Variants in GAN observed in about 807,000 individuals in gnomAD.
GAN encodes the protein epididymis secretory sperm binding protein.
GAN carries 48 observed loss-of-function variants against 71.3 expected under a neutral mutation model. The observed-to-expected ratio is 0.67, with a 90% CI of 0.53 to 0.86. GAN has a LOEUF of 0.86. Among genes scored for constraint, GAN ranks in the 40% least tolerant of loss-of-function variants. The probability of loss-of-function intolerance (pLI) is 0.00; values close to 1 mark genes in which losing one functional copy is unlikely to be tolerated. For missense variants in GAN, 928 were observed against 770.1 expected (o/e 1.21, Z -2.43); for synonymous variants, 386 against 276.8 (o/e 1.39, Z -3.92).
At chr16:81,316,560 G>A (rs1210505939) in intron 1 of GAN, among the ~76,000 whole-genome samples, 1 of 152,206 alleles carries the variant, frequency 6.6e-6, no homozygotes. Flanking sequence ...TAATGTGACA[G>A]ACAGCTTCTA....
In GAN at chr16:81,388,925, TTTA is replaced by T. The variant is rs1403391632; in HGVS notation, c.*11332_*11334del. On this transcript the variant is annotated 3_prime_UTR_variant, in exon 11 of 11. Coordinates refer to ENST00000648994, the MANE Select transcript of GAN (RefSeq NM_022041.4). Reference sequence around the variant, plus strand: ...TTCAAAAGAAACTCCAAAAAATAAATTTATTGTTAGTCTAGCATATGCTCATTG... The same window carrying T: ...TTCAAAAGAAACTCCAAAAAATAAATTTGTTAGTCTAGCATATGCTCATTG... 1 of 152,230 alleles carries T rather than the reference TTTA, an allele frequency of 6.6e-6. No homozygotes were observed. Among genetic ancestry groups the T allele is most frequent in the African/African-American group, 2.4e-5 (1 of 41,466 alleles). 9.4% of individuals were successfully genotyped at this position (152,230 alleles called of 1,614,324 possible).
At chr16:81,340,286 T>A (rs1014662988) in intron 1 of GAN, among the ~76,000 whole-genome samples, 7 of 152,096 alleles carry the variant, frequency 4.6e-5, no homozygotes, top group Admixed American at 3.9e-4. Flanking sequence ...TGGAAACATA[T>A]GACAGTAGAA....
At chr16:81,369,663 C>G (rs1386682781) in intron 9 of GAN, among the ~76,000 whole-genome samples, 1 of 152,194 alleles carries the variant, frequency 6.6e-6, no homozygotes, top group South Asian at 2.1e-4. Flanking sequence ...GTGATCTCGG[C>G]TCACTGCAAG....
intron 1 of GAN, among the ~76,000 whole-genome samples, chr16:81,346,458 C>G (rs1363967667): frequency 6.6e-6 from 1 of 152,158 alleles, no homozygotes; most frequent in South Asian, 2.1e-4. Context: ...GCTTTCCTGC[C>G]TGAGCTCCGC....
At chr16:81,367,069 C>T (rs987568424) in intron 9 of GAN, among the ~76,000 whole-genome samples, 8 of 152,098 alleles carry the variant, frequency 5.3e-5, no homozygotes, top group Admixed American at 1.3e-4. Context: ...ATGATCCGCC[C>T]GCCTCAGCCT....
chr16:81,314,987 C>T lies in GAN; in HGVS notation c.-127C>T, dbSNP rs886052329. ...GGATAGCACAGGCACGTCCCGGGGGCTCCAGCTTCTGCTCAGAGCGCGGAG... is the reference window on the plus strand; with the variant it reads ...GGATAGCACAGGCACGTCCCGGGGGTTCCAGCTTCTGCTCAGAGCGCGGAG... On this transcript the variant is annotated 5_prime_UTR_variant, in exon 1 of 11. Transcript: ENST00000648994. 2.8e-5 allele frequency: 22 copies of T among 776,984 alleles called. No homozygotes were observed. Among genetic ancestry groups the T allele is most frequent in the South Asian group, 1.5e-4 (5 of 34,076 alleles). The allele number at this position is 776,984 out of a possible 1,614,324, so 48.1% of individuals were successfully genotyped here. A position where few individuals can be genotyped will look rare whatever the true frequency, so the allele number is the denominator to read the frequency against.
intron 4 of GAN, 39 bp downstream of exon 4, chr16:81,357,041 G>C (rs1156590493): frequency 8.6e-7 from 1 of 1,157,290 alleles, no homozygotes; most frequent in Admixed American, 1.7e-5. Flanking sequence ...AGTGGTGTAT[G>C]GGAAGAGGTA....
At chr16:81,344,049 T>C (rs1051489721) in intron 1 of GAN, among the ~76,000 whole-genome samples, 1 of 152,198 alleles carries the variant, frequency 6.6e-6, no homozygotes, top group Admixed American at 6.5e-5. Flanking sequence ...GGAATACAAC[T>C]TACAAGGGAT....
intron 3 of GAN, 114 bp from the exon 4 acceptor site, chr16:81,356,671 G>T: frequency 1.2e-6 from 1 of 807,212 alleles, no homozygotes; most frequent in Non-Finnish European, 2.2e-6. Flanking sequence ...CACTTGCCTG[G>T]TAATAACCTG....
chr16:81,367,819 G>C (rs1337957874), intron 9 of GAN, among the ~76,000 whole-genome samples: 1 of 152,150 alleles, frequency 6.6e-6, no homozygotes, highest in Non-Finnish European at 1.5e-5. Flanking sequence ...AGCTGAGGTG[G>C]GATCTGAACT....
chr16:81,374,525 C>G (rs143727089), intron 9 of GAN, among the ~76,000 whole-genome samples: 174 of 152,262 alleles, frequency 1.1e-3, no homozygotes, highest in African/African-American at 4.2e-3. Context: ...TAAAGGAAAC[C>G]TGTCCCTTTT....
At chr16:81,364,060 T>C (rs543199385) in intron 7 of GAN, 117 bp downstream of exon 7, 9 of 862,608 alleles carry the variant, frequency 1.0e-5, no homozygotes, top group African/African-American at 9.9e-5. Context: ...GAATTAACTT[T>C]ATAGAACTCT....
intron 1 of GAN, among the ~76,000 whole-genome samples, chr16:81,329,145 C>G (rs1909487434): frequency 7.0e-6 from 1 of 143,158 alleles, no homozygotes; most frequent in African/African-American, 2.5e-5. Context: ...CTCCTGTTCC[C>G]CCACCCTTTT....
At chr16:81,315,878 C>G (rs939384514) in intron 1 of GAN, among the ~76,000 whole-genome samples, 2 of 152,244 alleles carry the variant, frequency 1.3e-5, no homozygotes, top group African/African-American at 4.8e-5. Flanking sequence ...GTTGGTAGTC[C>G]GAACCTCCGG....
intron 9 of GAN, among the ~76,000 whole-genome samples, chr16:81,367,864 T>A (rs1407348684): frequency 6.6e-6 from 1 of 152,340 alleles, no homozygotes; most frequent in East Asian, 1.9e-4. Flanking sequence ...CCTTTTCAAC[T>A]ACCACGCTAG....
chr16:81,365,411 C>T lies in GAN; in HGVS notation c.1435C>T (p.Arg479Cys). Residue 479 changes from arginine (R) to cysteine (C), a missense_variant, in exon 9 of 11, where the codon CGT becomes TGT. By Grantham distance (180) the Arg-to-Cys change is radical. Coordinates refer to ENST00000648994, the MANE Select transcript of GAN (RefSeq NM_022041.4). ...ELYVFGGVRSREDAQGSEMVT... is the reference protein window; with the variant it reads ...ELYVFGGVRSCEDAQGSEMVT... Reference sequence around the variant, plus strand: ...GTATGTGTTTGGGGGAGTCCGAAGTCGTGAGGACGCCCAGGGTAGCGAGAT... The same window carrying T: ...GTATGTGTTTGGGGGAGTCCGAAGTTGTGAGGACGCCCAGGGTAGCGAGAT... 2 of 1,613,370 alleles carry T rather than the reference C, an allele frequency of 1.2e-6. No homozygotes were observed. The highest frequency in any genetic ancestry group is 8.5e-7 in the Non-Finnish European group (1 of 1,179,800).
chr16:81,367,639 A>G (rs189693819), intron 9 of GAN, among the ~76,000 whole-genome samples: 50 of 152,240 alleles, frequency 3.3e-4, no homozygotes, highest in Non-Finnish European at 6.2e-4. Flanking sequence ...TATCTTACCA[A>G]TATAAGATTC....
intron 9 of GAN, among the ~76,000 whole-genome samples, chr16:81,372,267 A>T (rs1373434485): frequency 1.3e-5 from 2 of 152,240 alleles, no homozygotes; most frequent in African/African-American, 4.8e-5. Context: ...TGCCTTGTTC[A>T]TTGCAAAAAT....
At chr16:81,358,033 T>C (rs1910549780) in intron 5 of GAN, 102 bp downstream of exon 5, 1 of 1,004,654 alleles carries the variant, frequency 1.0e-6, no homozygotes. Flanking sequence ...ACAATTTTAT[T>C]ATCTCTACAT....
Sources: gnomAD v4.1 joint callset for allele counts (sites outside exome capture counted in the v4.1 genomes callset) on GRCh38, gnomAD v4.1.1 for gene constraint, MANE v1.5 for transcripts, NCBI Gene and HGNC (gene_info 2026-07-23, HGNC 2026-07-21) for gene names.